The following TCF7L2 variants were observed in gnomAD, a reference collection of about 807,000 sequenced individuals.
The protein encoded by TCF7L2 is transcription factor 7-like 2.
In TCF7L2, 23 loss-of-function variants were observed where a neutral mutation model predicts 77.9. That is an observed-to-expected ratio of 0.30 (90% CI 0.21 to 0.42). TCF7L2 has a LOEUF of 0.42. Among genes scored for constraint, TCF7L2 ranks in the 10% least tolerant of loss-of-function variants. TCF7L2 has a pLI of 1.00. For missense variants in TCF7L2, 654 were observed against 793.1 expected, an observed-to-expected ratio of 0.82 and a Z score of 2.11; for synonymous variants, 413 against 340.2, an observed-to-expected ratio of 1.21 and a Z score of -2.36.
chr10:113,033,441 A>G (rs2050599962), intron 4 of TCF7L2, among the ~76,000 whole-genome samples: 1 of 151,296 alleles, frequency 6.6e-6, no homozygotes, highest in Non-Finnish European at 1.5e-5. Context: ...TTTTTTTGGT[A>G]GAGATGGGGT....
At chr10:112,976,325 CATG>C (rs2039419450) in intron 4 of TCF7L2, among the ~76,000 whole-genome samples, 1 of 152,210 alleles carries the variant, frequency 6.6e-6, no homozygotes, top group African/African-American at 2.4e-5. Flanking sequence ...GAGCATCACA[CATG>C]ATAAATTTGA....
At chr10:113,051,203 CCACACACA>C (rs55771704) in intron 5 of TCF7L2, among the ~76,000 whole-genome samples, 2,578 of 140,480 alleles carry the variant, frequency 0.018, 82 homozygotes, top group African/African-American at 0.062. Flanking sequence ...TGCATACACA[CCACACACA>C]CACACACACA....
intron 5 of TCF7L2, among the ~76,000 whole-genome samples, chr10:113,108,446 G>C (rs1002001474): frequency 6.6e-6 from 1 of 152,056 alleles, no homozygotes; most frequent in Non-Finnish European, 1.5e-5. Flanking sequence ...GGGCCATTGT[G>C]GGGGGGAGGG....
At chr10:113,085,186 C>T (rs1437696703) in intron 5 of TCF7L2, among the ~76,000 whole-genome samples, 1 of 151,650 alleles carries the variant, frequency 6.6e-6, no homozygotes, top group Non-Finnish European at 1.5e-5. Context: ...TTCACCTTGG[C>T]CTTCTGAGTA....
intron 4 of TCF7L2, among the ~76,000 whole-genome samples, chr10:112,972,142 T>C (rs1021699724): frequency 6.6e-6 from 1 of 152,170 alleles, no homozygotes; most frequent in Non-Finnish European, 1.5e-5. Context: ...ATTGATCATT[T>C]ATTGGCTGTC....
At chr10:113,053,428 GCAGGCGTGTGATAC>G (rs1564830950) in intron 5 of TCF7L2, among the ~76,000 whole-genome samples, 2 of 152,130 alleles carry the variant, frequency 1.3e-5, no homozygotes, top group Admixed American at 6.5e-5. Context: ...CCTGCTGGGC[GCAGGCGTGTGATAC>G]CAGAGGTCAG....
chr10:113,113,785 T>C (rs1369684066), intron 5 of TCF7L2, among the ~76,000 whole-genome samples: 2 of 152,196 alleles, frequency 1.3e-5, no homozygotes, highest in Admixed American at 1.3e-4. Flanking sequence ...TCCATGTTAG[T>C]TTTCCAAGGA....
intron 5 of TCF7L2, among the ~76,000 whole-genome samples, chr10:113,113,830 G>C (rs577949270): frequency 7.9e-4 from 120 of 152,126 alleles, no homozygotes; most frequent in African/African-American, 2.8e-3. Context: ...AAGAATATTT[G>C]GGTCAGATGT....
intron 4 of TCF7L2, among the ~76,000 whole-genome samples, chr10:113,023,272 G>A (rs1443437900): frequency 6.6e-6 from 1 of 152,160 alleles, no homozygotes; most frequent in East Asian, 1.9e-4. Context: ...GGATGACTGT[G>A]TATTCACCTG....
chr10:113,110,483 T>C (rs915757470), intron 5 of TCF7L2, among the ~76,000 whole-genome samples: 1 of 151,854 alleles, frequency 6.6e-6, no homozygotes, highest in Non-Finnish European at 1.5e-5. Flanking sequence ...TAATTGGTTC[T>C]ATATATTTAT....
At chr10:112,962,837 G>C (rs1376988172) in intron 3 of TCF7L2, among the ~76,000 whole-genome samples, 1 of 152,162 alleles carries the variant, frequency 6.6e-6, no homozygotes, top group Admixed American at 6.5e-5. Flanking sequence ...GACCTCAGGT[G>C]ATCTGCCCGC....
At chr10:113,085,626 C>T (rs533773534) in intron 5 of TCF7L2, among the ~76,000 whole-genome samples, 32 of 152,286 alleles carry the variant, frequency 2.1e-4, no homozygotes, top group African/African-American at 7.7e-4. Flanking sequence ...ATTACTACGA[C>T]TTTATGGGTG....
intron 5 of TCF7L2, among the ~76,000 whole-genome samples, chr10:113,140,788 C>T (rs927705978): frequency 6.6e-6 from 1 of 152,068 alleles, no homozygotes; most frequent in Admixed American, 6.6e-5. Context: ...GTGCAGCCTG[C>T]GTGCCTCCTG....
chr10:113,147,044 A>G (rs574882996), intron 8 of TCF7L2, among the ~76,000 whole-genome samples: 2 of 152,228 alleles, frequency 1.3e-5, no homozygotes, highest in East Asian at 3.9e-4. Context: ...AGTGACTGCT[A>G]GTTTATTTAC....
At chr10:113,034,881 G>A (rs531563737) in intron 4 of TCF7L2, among the ~76,000 whole-genome samples, 22 of 152,260 alleles carry the variant, frequency 1.4e-4, no homozygotes, top group Non-Finnish European at 2.4e-4. Context: ...AGGCAACAGA[G>A]TAAGACTGTA....
intron 6 of TCF7L2, among the ~76,000 whole-genome samples, chr10:113,141,865 C>T (rs1321162705): frequency 6.6e-6 from 1 of 152,176 alleles, no homozygotes; most frequent in African/African-American, 2.4e-5. Context: ...GGTTCTTTTT[C>T]CCCTACAATA....
In TCF7L2 at chr10:113,015,652, AT is replaced by A. The variant is rs951387523; in HGVS notation, c.451-24364del. Among the ~76,000 whole-genome samples the A allele has an allele frequency of 3.2e-4, 48 of 151,482 alleles. 1 individual carries two copies. In the East Asian group the frequency reaches 6.0e-3, roughly 19 times the overall value. Reference sequence around the variant, plus strand: ...CACCACTCCTGGCTAATTAAAAAAAATTTTTTTTTGTAGAGATGGGGGTCTC... The same window carrying A: ...CACCACTCCTGGCTAATTAAAAAAAATTTTTTTTGTAGAGATGGGGGTCTC... On this transcript the variant is annotated intron_variant, in intron 4 of 13. Coordinates refer to ENST00000627217, the MANE Select transcript of TCF7L2 (RefSeq NM_001146274.2).
At chr10:113,100,710 C>T (rs965057095) in intron 5 of TCF7L2, among the ~76,000 whole-genome samples, 11 of 152,070 alleles carry the variant, frequency 7.2e-5, no homozygotes, top group East Asian at 1.9e-4. Flanking sequence ...GAGGAGTATA[C>T]GGGATTCTTT....
At chr10:112,966,194 ATATATATATATATATATT>A (rs2036824925) in intron 4 of TCF7L2, among the ~76,000 whole-genome samples, 1 of 106,482 alleles carries the variant, frequency 9.4e-6, no homozygotes, top group African/African-American at 3.5e-5. Context: ...TTATATATAT[ATATATATATATATATATT>A]TTCTTTTCTT....
Sources: gnomAD v4.1 joint callset for allele counts (sites outside exome capture counted in the v4.1 genomes callset) on GRCh38, gnomAD v4.1.1 for gene constraint, MANE v1.5 for transcripts, NCBI Gene and HGNC (gene_info 2026-07-23, HGNC 2026-07-21) for gene names.